The following DPYD variants were observed in gnomAD, a reference collection of about 807,000 sequenced individuals.
DPYD encodes the protein dihydropyrimidine dehydrogenase, also known as dihydropyrimidine dehydrogenase [NADP(+)].
DPYD carries 109 observed loss-of-function variants against 116.2 expected under a neutral mutation model. The observed-to-expected ratio is 0.94, with a 90% CI of 0.80 to 1.10. DPYD has a LOEUF of 1.10. Ranked by LOEUF, DPYD falls within the 50% of genes least tolerant of loss-of-function variation. DPYD has a pLI of 0.00. For missense variants in DPYD, 1,302 were observed against 1,254.5 expected, an observed-to-expected ratio of 1.04 and a Z score of -0.57; for synonymous variants, 440 against 432.0, an observed-to-expected ratio of 1.02 and a Z score of -0.23.
chr1:97,803,268 G>A lies in DPYD; in HGVS notation c.233+24846C>T, dbSNP rs148443025. 3.3e-5 allele frequency among the ~76,000 whole-genome samples: 5 copies of A among 151,880 alleles called. No individual in the cohort carries two copies. In the East Asian group the frequency reaches 9.6e-4, roughly 29 times the overall value. On this transcript the variant is annotated intron_variant, in intron 3 of 22. Coordinates refer to ENST00000370192, the MANE Select transcript of DPYD (RefSeq NM_000110.4). ...AAACAAATAGGAAAAACACTTTATT[G>A]TGTTTTGTTCCTGTTTTACTATTTT...
intron 14 of DPYD, among the ~76,000 whole-genome samples, chr1:97,393,116 A>G (rs1672806307): frequency 6.6e-6 from 1 of 151,960 alleles, no homozygotes; most frequent in East Asian, 1.9e-4. Context: ...TTGCATTCAC[A>G]CTTTAGCTAA....
intron 13 of DPYD, among the ~76,000 whole-genome samples, chr1:97,496,341 C>T (rs1388756590): frequency 1.3e-5 from 2 of 152,004 alleles, no homozygotes; most frequent in African/African-American, 2.4e-5. Flanking sequence ...AGCACATTGC[C>T]TAGAAATAAT....
intron 16 of DPYD, among the ~76,000 whole-genome samples, chr1:97,332,105 G>A (rs1244108617): frequency 1.3e-5 from 2 of 152,072 alleles, no homozygotes; most frequent in Admixed American, 1.3e-4. Context: ...AATTCCGTTG[G>A]TATTTCTGAG....
chr1:97,347,517 T>A (rs868690710), intron 16 of DPYD, among the ~76,000 whole-genome samples: 1 of 152,080 alleles, frequency 6.6e-6, no homozygotes, highest in Non-Finnish European at 1.5e-5. Context: ...TCTTTTAATA[T>A]GTTGCTGGAT....
At chr1:97,522,742 A>G (rs1648778086) in intron 12 of DPYD, among the ~76,000 whole-genome samples, 1 of 151,972 alleles carries the variant, frequency 6.6e-6, no homozygotes, top group African/African-American at 2.4e-5. Flanking sequence ...ATCCATCTAT[A>G]TAAAATACTT....
At chr1:97,152,878 T>G (rs907842303) in intron 20 of DPYD, among the ~76,000 whole-genome samples, 4 of 152,136 alleles carry the variant, frequency 2.6e-5, no homozygotes, top group African/African-American at 9.7e-5. Context: ...TGTCTTATTT[T>G]TATCTGTCCT....
intron 20 of DPYD, among the ~76,000 whole-genome samples, chr1:97,131,102 T>C (rs1653307297): frequency 6.6e-6 from 1 of 152,060 alleles, no homozygotes; most frequent in South Asian, 2.1e-4. Flanking sequence ...GCTCAAGAAT[T>C]TCCTGATTGG....
intron 16 of DPYD, among the ~76,000 whole-genome samples, chr1:97,370,160 A>G (rs141462099): frequency 0.013 from 1,962 of 152,228 alleles, 24 homozygotes; most frequent in South Asian, 0.023. Flanking sequence ...GCTGGGTCAA[A>G]TGGTATTTCT....
At chr1:97,269,677 G>T (rs75662714) in intron 18 of DPYD, among the ~76,000 whole-genome samples, 32 of 151,996 alleles carry the variant, frequency 2.1e-4, no homozygotes. Flanking sequence ...TTCTCACTGC[G>T]TCCTCACTCA....
intron 2 of DPYD, among the ~76,000 whole-genome samples, chr1:97,848,212 C>T (rs1670400664): frequency 6.6e-6 from 1 of 152,148 alleles, no homozygotes; most frequent in Non-Finnish European, 1.5e-5. Context: ...ATTCTCCTGC[C>T]TCAGCCTCCC....
At chr1:97,414,521 G>T (rs1674183379) in intron 14 of DPYD, among the ~76,000 whole-genome samples, 1 of 152,174 alleles carries the variant, frequency 6.6e-6, no homozygotes, top group Non-Finnish European at 1.5e-5. Flanking sequence ...TTTCTGATGT[G>T]CATCAGAGGG....
At chr1:97,147,142 G>A (rs1277499254) in intron 20 of DPYD, among the ~76,000 whole-genome samples, 4 of 152,200 alleles carry the variant, frequency 2.6e-5, no homozygotes, top group African/African-American at 9.6e-5. Flanking sequence ...GAGGTCAAGA[G>A]ATGGAGACCA....
intron 19 of DPYD, 132 bp from the exon 20 acceptor site, chr1:97,193,380 C>T (rs757509185): frequency 3.3e-5 from 30 of 908,408 alleles, no homozygotes; most frequent in African/African-American, 4.9e-5. Flanking sequence ...GATCAGTAGC[C>T]GTCTGGAGAT....
intron 13 of DPYD, among the ~76,000 whole-genome samples, chr1:97,480,839 G>A (rs1237941610): frequency 3.3e-5 from 5 of 152,104 alleles, no homozygotes; most frequent in Admixed American, 6.6e-5. Context: ...AATTAGCCGA[G>A]CATGGTGGCA....
chr1:97,288,498 A>T (rs1665896392), intron 18 of DPYD, among the ~76,000 whole-genome samples: 2 of 152,186 alleles, frequency 1.3e-5, no homozygotes, highest in Non-Finnish European at 2.9e-5. Context: ...CTCAGACAAC[A>T]GTGCAATCAA....
chr1:97,467,895 AG>A (rs1477955316), intron 13 of DPYD, among the ~76,000 whole-genome samples: 2 of 152,342 alleles, frequency 1.3e-5, no homozygotes, highest in East Asian at 1.9e-4. Flanking sequence ...GGAGTGCAAA[AG>A]AAGGGAACAG....
At chr1:97,394,110 A>G (rs528545026) in intron 14 of DPYD, 12 of 152,186 alleles carry the variant, frequency 7.9e-5, no homozygotes, top group African/African-American at 2.6e-4. Context: ...GTGTCTGTTC[A>G]TATCCTTCAC....
chr1:97,840,686 T>C (rs1669995201), intron 2 of DPYD, among the ~76,000 whole-genome samples: 1 of 152,132 alleles, frequency 6.6e-6, no homozygotes, highest in African/African-American at 2.4e-5. Flanking sequence ...GCACAAATGA[T>C]GTGAAATCCA....
At chr1:97,344,213 G>C (rs560182024) in intron 16 of DPYD, among the ~76,000 whole-genome samples, 1 of 151,472 alleles carries the variant, frequency 6.6e-6, no homozygotes, top group African/African-American at 2.4e-5. Flanking sequence ...AGAGAATCTC[G>C]CCAAAAGTAC....
Sources: allele counts gnomAD v4.1 joint callset (sites outside exome capture counted in the v4.1 genomes callset), GRCh38; gene constraint gnomAD v4.1.1; transcripts MANE v1.5; gene names NCBI Gene and HGNC (gene_info 2026-07-23, HGNC 2026-07-21).